Variants in CEP192 observed in about 807,000 individuals in gnomAD.
CEP192 encodes the protein centrosomal protein 192.
CEP192 carries 151 observed loss-of-function variants against 271.8 expected under a neutral mutation model. The ratio of observed to expected loss-of-function variants is 0.56; its 90% CI spans 0.49 to 0.64. The LOEUF is 0.64. Ranked by LOEUF, CEP192 falls within the 30% of genes least tolerant of loss-of-function variation. The probability of loss-of-function intolerance (pLI) is 0.00; values close to 1 mark genes in which losing one functional copy is unlikely to be tolerated. For synonymous variants in CEP192, 995 were observed against 1,076.5 expected (o/e 0.92, Z 1.48); for missense variants, 2,910 against 3,020.5 (o/e 0.96, Z 0.86).
At chr18:13,089,342 G>A (rs879031521) in intron 32 of CEP192, 114 bp from the exon 33 acceptor site, 2 of 548,166 alleles carry the variant, frequency 3.6e-6, no homozygotes, top group South Asian at 3.1e-5. Context: ...TAAGGTCTGT[G>A]TACTAATATA....
In CEP192 at chr18:13,071,177, T is replaced by A. The variant is rs1204024805; in HGVS notation, c.5313T>A (p.Phe1771Leu). 2 of 1,614,182 alleles carry A rather than the reference T, an allele frequency of 1.2e-6. No individual in the cohort carries two copies. The highest frequency in any genetic ancestry group is 2.2e-5 in the South Asian group (2 of 91,078). The change falls in exon 28 of 45, where the codon TTT becomes TTA. Residue 1771 changes from phenylalanine to leucine, a missense_variant. Physicochemically the swap from Phe to Leu is conservative, Grantham distance 22. Coordinates refer to ENST00000506447, the MANE Select transcript of CEP192 (RefSeq NM_032142.4). ...DIPSILSNKQ[F>L]LAWGGVPLGR... Reference sequence around the variant, plus strand: ...CATCGATTTTGTCCAACAAACAATTTCTGGCTTGGGGAGGAGTCCCTCTAG... The same window carrying A: ...CATCGATTTTGTCCAACAAACAATTACTGGCTTGGGGAGGAGTCCCTCTAG...
intron 30 of CEP192, among the ~76,000 whole-genome samples, chr18:13,085,745 TTGTC>T (rs1207009248): frequency 2.0e-5 from 3 of 152,134 alleles, no homozygotes; most frequent in African/African-American, 2.4e-5. Flanking sequence ...TCTGTTCCAT[TTGTC>T]TGTCTTTCTG....
intron 30 of CEP192, among the ~76,000 whole-genome samples, chr18:13,077,973 G>A (rs1239177142): frequency 1.3e-5 from 2 of 151,676 alleles, no homozygotes; most frequent in Non-Finnish European, 2.9e-5. Flanking sequence ...TCTGGGATAC[G>A]TGTGCAGAAT....
intron 40 of CEP192, among the ~76,000 whole-genome samples, chr18:13,110,248 T>A (rs1353284474): frequency 6.6e-6 from 1 of 152,180 alleles, no homozygotes; most frequent in Non-Finnish European, 1.5e-5. Flanking sequence ...TATATAGATA[T>A]ACAAGAGACC....
intron 30 of CEP192, among the ~76,000 whole-genome samples, chr18:13,080,793 T>C (rs1418916581): frequency 5.3e-5 from 8 of 152,310 alleles, no homozygotes; most frequent in South Asian, 4.1e-4. Context: ...ATAGCTCTTA[T>C]TATTTTGAGA....
intron 11 of CEP192, 104 bp from the exon 12 acceptor site, chr18:13,037,133 T>TA: frequency 3.2e-6 from 2 of 631,736 alleles, no homozygotes; most frequent in Non-Finnish European, 5.7e-6. Context: ...ACATACTTGT[T>TA]ACAACTTTAT....
chr18:13,109,332 G>A (rs1295999641), intron 40 of CEP192, among the ~76,000 whole-genome samples: 1 of 152,122 alleles, frequency 6.6e-6, no homozygotes, highest in African/African-American at 2.4e-5. Flanking sequence ...TTATAAGTTG[G>A]AGCTAAATAT....
At chr18:13,107,808 A>G (rs749010386) in intron 40 of CEP192, among the ~76,000 whole-genome samples, 2 of 151,858 alleles carry the variant, frequency 1.3e-5, no homozygotes, top group African/African-American at 2.4e-5. Context: ...GACTTTGTTT[A>G]TTAAAAAATA....
At chr18:13,028,026 A>G (rs2035401349) in intron 9 of CEP192, among the ~76,000 whole-genome samples, 1 of 152,174 alleles carries the variant, frequency 6.6e-6, no homozygotes. Flanking sequence ...ATGGAGGCCA[A>G]AAGTCTGAAA....
intron 15 of CEP192, among the ~76,000 whole-genome samples, chr18:13,045,310 T>C (rs2036416149): frequency 6.6e-6 from 1 of 152,190 alleles, no homozygotes; most frequent in Non-Finnish European, 1.5e-5. Context: ...AGTGTGCTTA[T>C]TTTTCTGCCT....
At chr18:13,012,559 TGA>T (rs1341274839) in intron 4 of CEP192, among the ~76,000 whole-genome samples, 1 of 152,172 alleles carries the variant, frequency 6.6e-6, no homozygotes, top group Non-Finnish European at 1.5e-5. Flanking sequence ...AATGGGGGTC[TGA>T]GAGAGGTTTT....
In CEP192 at chr18:13,073,245, G is replaced by T. The variant is rs2038108286; in HGVS notation, c.5616+60G>T. On this transcript the variant is annotated intron_variant, in intron 30 of 44. Transcript: ENST00000506447. The stretch of plus-strand genomic sequence containing the variant: ...AGTTTATGCCATTTTATAACTATTG[G>T]TTTAATGTTGTAAATTATACAGTCT... 2.2e-6 allele frequency: 3 copies of T among 1,378,474 alleles called. No individual in the cohort carries two copies. In the African/African-American group the frequency reaches 4.3e-5, roughly 20 times the overall value. 85.4% of individuals were successfully genotyped at this position (1,378,474 alleles called of 1,614,324 possible). A position where few individuals can be genotyped will look rare whatever the true frequency, so the allele number is the denominator to read the frequency against.
intron 9 of CEP192, among the ~76,000 whole-genome samples, chr18:13,023,739 A>G (rs189799799): frequency 1.3e-5 from 2 of 152,132 alleles, no homozygotes; most frequent in African/African-American, 4.8e-5. Flanking sequence ...TGCTGACTTC[A>G]TAGAATCTGT....
rs1441374429 is a variant in CEP192 at position 13,067,914 on chromosome 18, C to A, written c.4572C>A (p.Asn1524Lys). 2 of 1,613,112 alleles carry A rather than the reference C, an allele frequency of 1.2e-6. No homozygotes were observed. The highest frequency in any genetic ancestry group is 2.7e-5 in the African/African-American group (2 of 74,910). ...AAGCCCTCCCACTAAAATTGATAAA[C>A]CGAACGCATGCCACTGTGCCAATTA... ...GWKALPLKLI[N>K]RTHATVPIRL... The change falls in exon 22 of 45, where the codon AAC becomes AAA. Residue 1524 changes from asparagine (N) to lysine (K), a missense_variant. Physicochemically the swap from Asn to Lys is moderately conservative, Grantham distance 94 (BLOSUM62 0). Coordinates refer to ENST00000506447, the MANE Select transcript of CEP192 (RefSeq NM_032142.4).
intron 17 of CEP192, among the ~76,000 whole-genome samples, chr18:13,052,342 C>A (rs1297993876): frequency 6.6e-6 from 1 of 152,218 alleles, no homozygotes; most frequent in Non-Finnish European, 1.5e-5. Flanking sequence ...TCAGTTCCTC[C>A]TGTCTGATTT....
intron 40 of CEP192, among the ~76,000 whole-genome samples, chr18:13,111,753 G>A (rs1324600083): frequency 1.3e-5 from 2 of 152,160 alleles, no homozygotes; most frequent in Non-Finnish European, 2.9e-5. Context: ...TCCAGAATAC[G>A]TAAAGAACTC....
chr18:13,099,751 T>C lies in CEP192; in HGVS notation c.6663+170T>C, dbSNP rs548201281. Among the ~76,000 whole-genome samples the C allele has an allele frequency of 2.6e-5, 4 of 152,326 alleles. No homozygotes were observed. In the East Asian group the frequency reaches 7.7e-4, roughly 29 times the overall value. ...TTCAACCAACCACAGATTGAAATTATTTGGGGAAAAAGTAATACAAATAAA... is the reference window on the plus strand; with the variant it reads ...TTCAACCAACCACAGATTGAAATTACTTGGGGAAAAAGTAATACAAATAAA... On this transcript the variant is annotated intron_variant, in intron 37 of 44. Coordinates refer to ENST00000506447, the MANE Select transcript of CEP192 (RefSeq NM_032142.4).
intron 36 of CEP192, among the ~76,000 whole-genome samples, chr18:13,099,084 G>A (rs1311656304): frequency 6.6e-6 from 1 of 151,518 alleles, no homozygotes; most frequent in East Asian, 2.0e-4. Context: ...GCAGGCTGAG[G>A]CAGGAGAATC....
Position 13,073,103 on chromosome 18 carries a change from C to T in CEP192, c.5534C>T (p.Ala1845Val). Residue 1845 changes from alanine to valine, a missense_variant, in exon 30 of 45, where the codon GCA becomes GTA. Transcript: ENST00000506447. ...GACATTTTCATCTCTGTATTATTTG[C>T]ACCTACTCGATTATCTTGCATGTTG... ...KEDIFISVLF[A>V]PTRLSCMLAR... 1.9e-6 allele frequency: 3 copies of T among 1,613,796 alleles called. No individual in the cohort carries two copies. The highest frequency in any genetic ancestry group is 2.5e-6 in the Non-Finnish European group (3 of 1,179,786).
Sources: gnomAD v4.1 joint callset for allele counts (sites outside exome capture counted in the v4.1 genomes callset) on GRCh38, gnomAD v4.1.1 for gene constraint, MANE v1.5 for transcripts, NCBI Gene and HGNC (gene_info 2026-07-23, HGNC 2026-07-21) for gene names.